The following ELAVL4 variants were observed in gnomAD, a reference collection of about 807,000 sequenced individuals.
The protein encoded by ELAVL4 is ELAV-like protein 4.
A neutral mutation model predicts 35.6 loss-of-function variants in ELAVL4; 1 was observed. The observed-to-expected ratio is 0.03, with a 90% confidence interval of 0.01 to 0.13. The LOEUF is 0.13. Ranked by LOEUF, ELAVL4 falls within the 10% of genes least tolerant of loss-of-function variation. The pLI is 1.00. For missense variants in ELAVL4, 267 were observed against 464.9 expected (o/e 0.57, Z 3.91); for synonymous variants, 156 against 171.0 (o/e 0.91, Z 0.69).
chr1:50,048,646 G>A (rs988601503), intron 1 of ELAVL4, among the ~76,000 whole-genome samples: 5 of 152,198 alleles, frequency 3.3e-5, no homozygotes, highest in African/African-American at 1.2e-4. Context: ...CGCTGGGCGC[G>A]CGGACTTGGA....
At chr1:50,191,675 G>C (rs1682681665) in intron 3 of ELAVL4, among the ~76,000 whole-genome samples, 1 of 152,104 alleles carries the variant, frequency 6.6e-6, no homozygotes, top group Admixed American at 6.6e-5. Flanking sequence ...TGAGAACACT[G>C]CTGGGGAGAT....
chr1:50,124,930 T>C (rs1379251494), intron 1 of ELAVL4, among the ~76,000 whole-genome samples: 2 of 152,144 alleles, frequency 1.3e-5, no homozygotes, highest in East Asian at 1.9e-4. Context: ...ATTGTTATCA[T>C]ACAATATTAA....
At chr1:50,048,160 G>A in exon 1 of ELAVL4, 1 of 1,521,994 alleles carries the variant, frequency 6.6e-7, no homozygotes, top group Non-Finnish European at 8.8e-7. Context: ...CGCCCGGCGG[G>A]GAAGATGCGC....
chr1:50,155,173 C>A (rs1377728425), intron 2 of ELAVL4, among the ~76,000 whole-genome samples: 4 of 108,354 alleles, frequency 3.7e-5, no homozygotes, highest in Admixed American at 3.5e-4. Context: ...TCCCTCCCCC[C>A]TCCCCCCACC....
At chr1:50,106,368 A>G (rs1666305535), upstream of ELAVL4, 4 of 1,613,636 alleles carry the variant, frequency 2.5e-6, no homozygotes, top group Admixed American at 5.0e-5. Flanking sequence ...ATTGTCATTA[A>G]TGAGTCAAGA....
At chr1:50,131,016 A>G (rs1346982488) in intron 1 of ELAVL4, among the ~76,000 whole-genome samples, 6 of 152,196 alleles carry the variant, frequency 3.9e-5, no homozygotes, top group Admixed American at 6.5e-5. Flanking sequence ...TAAAAAGAAT[A>G]TATTAAGAGT....
upstream of ELAVL4, among the ~76,000 whole-genome samples, chr1:50,107,979 A>G (rs1464064759): frequency 5.9e-5 from 9 of 152,228 alleles, no homozygotes; most frequent in African/African-American, 2.2e-4. Context: ...GAGAAGCAAA[A>G]TCACTTATTT....
intron 1 of ELAVL4, among the ~76,000 whole-genome samples, chr1:50,142,442 A>T (rs1271325245): frequency 6.6e-6 from 1 of 152,120 alleles, no homozygotes; most frequent in Non-Finnish European, 1.5e-5. Context: ...ACCTCAGGTG[A>T]TCTGCCCACC....
Position 50,075,068 on chromosome 1 carries a change from A to G in ELAVL4, c.18+26886A>G, listed in dbSNP as rs566432324. 9.2e-5 allele frequency among the ~76,000 whole-genome samples: 14 copies of G among 152,340 alleles called. No homozygotes were observed. The East Asian group carries it at 2.5e-3, about 27-fold the overall frequency. On this transcript the variant is annotated intron_variant, in intron 1 of 6. Coordinates refer to the ELAVL4 transcript ENST00000448907. The stretch of plus-strand genomic sequence containing the variant: ...GATTTGGTCTTTGTGAGAAAGGTAC[A>G]TTTAAGCAGAGACATAATGGAATAA...
chr1:50,142,285 T>C (rs1572372699), intron 1 of ELAVL4, among the ~76,000 whole-genome samples: 1 of 152,166 alleles, frequency 6.6e-6, no homozygotes. Context: ...CTGTACCCTC[T>C]ACCTCCCAGG....
At chr1:50,153,495 CTCTG>C (rs1675162728) in intron 2 of ELAVL4, among the ~76,000 whole-genome samples, 1 of 152,308 alleles carries the variant, frequency 6.6e-6, no homozygotes, top group African/African-American at 2.4e-5. Context: ...TACCATACCA[CTCTG>C]TCTGTGCTGA....
intron 1 of ELAVL4, among the ~76,000 whole-genome samples, chr1:50,136,033 C>CA (rs1221969806): frequency 8.7e-5 from 13 of 150,184 alleles, no homozygotes; most frequent in African/African-American, 2.4e-4. Context: ...TGTTGCATTT[C>CA]AAAAAAAAAT....
chr1:50,082,588 T>C (rs577480550), intron 1 of ELAVL4, among the ~76,000 whole-genome samples: 2 of 152,320 alleles, frequency 1.3e-5, no homozygotes, highest in African/African-American at 4.8e-5. Flanking sequence ...CTTTGTCAGA[T>C]GGATAGATTG....
At chr1:50,068,389 A>C (rs553822288) in intron 1 of ELAVL4, among the ~76,000 whole-genome samples, 1 of 152,246 alleles carries the variant, frequency 6.6e-6, no homozygotes, top group South Asian at 2.1e-4. Context: ...GATTTTCAAG[A>C]GGTAGAAGAC....
intron 2 of ELAVL4, 24 bp downstream of exon 2, chr1:50,145,221 G>C (rs1673484539): frequency 1.2e-6 from 2 of 1,612,910 alleles, no homozygotes; most frequent in Admixed American, 1.7e-5. Context: ...TTGAAGCTAT[G>C]TTGTTCCATT....
At chr1:50,127,380 G>T (rs1670119726) in intron 1 of ELAVL4, among the ~76,000 whole-genome samples, 1 of 152,128 alleles carries the variant, frequency 6.6e-6, no homozygotes, top group African/African-American at 2.4e-5. Flanking sequence ...AGAGAGAGGA[G>T]TTGTCTGAAG....
chr1:50,098,082 A>G (rs1665793561), intron 1 of ELAVL4, among the ~76,000 whole-genome samples: 1 of 152,202 alleles, frequency 6.6e-6, no homozygotes, highest in African/African-American at 2.4e-5. Flanking sequence ...AGGATTTTTG[A>G]AGGCTAGCAA....
upstream of ELAVL4, chr1:50,103,780 G>A (rs993870360): frequency 6.5e-6 from 5 of 768,178 alleles, no homozygotes; most frequent in African/African-American, 7.0e-5. Context: ...GTGAGTGTCT[G>A]TTCACTCTAC....
chr1:50,147,042 C>T lies in ELAVL4; in HGVS notation c.250+1845C>T, dbSNP rs75056816. On this transcript the variant is annotated intron_variant, in intron 2 of 6. Transcript: ENST00000371824. ...ACAGCCTTTAATTTGGTATACAAAA[C>T]CAAAATTGTCAACTTTGGTTTGTTT... 5.9e-4 allele frequency among the ~76,000 whole-genome samples: 90 copies of T among 152,114 alleles called. No individual in the cohort carries two copies. In the East Asian group the frequency reaches 7.8e-3, roughly 13 times the overall value.
Sources: gnomAD v4.1 joint callset for allele counts (sites outside exome capture counted in the v4.1 genomes callset) on GRCh38, gnomAD v4.1.1 for gene constraint, MANE v1.5 for transcripts, NCBI Gene and HGNC (gene_info 2026-07-23, HGNC 2026-07-21) for gene names.